FOXJ3: variants seen among roughly 807,000 people sequenced by gnomAD.
The protein encoded by FOXJ3 is forkhead box J3.
In FOXJ3, 22 loss-of-function variants were observed where a neutral mutation model predicts 76.1. The ratio of observed to expected loss-of-function variants is 0.29; its 90% CI spans 0.21 to 0.41. The LOEUF (loss-of-function observed/expected upper bound fraction) is 0.41, where lower values mean the gene tolerates loss of function less well. Ranked by LOEUF, FOXJ3 falls within the 10% of genes least tolerant of loss-of-function variation. The pLI, the probability that FOXJ3 is intolerant of heterozygous loss-of-function variation, is 1.00. For missense variants in FOXJ3, 613 were observed against 762.1 expected (o/e 0.80, Z 2.30); for synonymous variants, 269 against 261.2 (o/e 1.03, Z -0.29).
intron 4 of FOXJ3, among the ~76,000 whole-genome samples, chr1:42,236,738 G>A (rs1172523979): frequency 1.3e-5 from 2 of 152,246 alleles, no homozygotes; most frequent in Middle Eastern, 3.4e-3. Context: ...TTTCATACAA[G>A]TGAACTCAAA....
rs190316207 is a variant in FOXJ3, at chr1:42,279,549, C to T, written c.45-877G>A. On this transcript the variant is annotated intron_variant, in intron 2 of 12. Coordinates refer to ENST00000361346, the MANE Select transcript of FOXJ3 (RefSeq NM_014947.5). ...CTCTCCAAAGCTGAAAAATTCAGAC[C>T]ATTACCACACAAAGAAAGAAAACTA... 2.6e-5 allele frequency among the ~76,000 whole-genome samples: 4 copies of T among 152,198 alleles called. No individual in the cohort carries two copies. In the East Asian group the frequency reaches 5.8e-4, roughly 22 times the overall value.
Position 42,179,814 on chromosome 1 carries a change from C to G in FOXJ3, c.1765G>C (p.Ala589Pro). The G allele has an allele frequency of 2.5e-6, 4 of 1,612,812 alleles. No individual in the cohort carries two copies. The highest frequency in any genetic ancestry group is 3.4e-6 in the Non-Finnish European group (4 of 1,178,866). The change falls in exon 13 of 13, where the codon GCC becomes CCC. Residue 589 changes from alanine to proline, a missense_variant. Physicochemically the swap from Ala to Pro is conservative, Grantham distance 27. This residue lies in a region of FOXJ3 where 526 missense variants were observed against 601.4 expected (regional missense o/e 0.87). Coordinates refer to ENST00000361346, the MANE Select transcript of FOXJ3 (RefSeq NM_014947.5). The part of the protein sequence containing the change: ...PGTTMAGHHR[A>P]MNQQHMMPSQ... ...GGCATCATGTGCTGCTGGTTCATGG[C>G]TCTGTGATGGCCTGGAAGGAAAGAG...
At chr1:42,324,069 GTGTATATATAGTATATATAC>G (rs1655598600) in intron 1 of FOXJ3, among the ~76,000 whole-genome samples, 1 of 138,092 alleles carries the variant, frequency 7.2e-6, no homozygotes, top group South Asian at 2.3e-4. Context: ...TATATACACA[GTGTATATATAGTATATATAC>G]TGTATATATA....
At chr1:42,264,819 T>C (rs1651344329) in intron 4 of FOXJ3, 1 of 321,326 alleles carries the variant, frequency 3.1e-6, no homozygotes. Flanking sequence ...CCCTTATATG[T>C]AATAATGAAT....
At chr1:42,188,321 A>G (rs897364207) in intron 11 of FOXJ3, among the ~76,000 whole-genome samples, 2 of 152,198 alleles carry the variant, frequency 1.3e-5, no homozygotes, top group African/African-American at 4.8e-5. Context: ...TCTACTCTTC[A>G]AACACTTCGA....
chr1:42,251,624 C>T (rs1043971591), intron 4 of FOXJ3, among the ~76,000 whole-genome samples: 6 of 151,472 alleles, frequency 4.0e-5, no homozygotes, highest in African/African-American at 1.5e-4. Flanking sequence ...ATATATTGAA[C>T]CAGCCTTGCA....
At chr1:42,216,290 G>T (rs1403439620) in intron 5 of FOXJ3, among the ~76,000 whole-genome samples, 1 of 151,794 alleles carries the variant, frequency 6.6e-6, no homozygotes, top group Admixed American at 6.6e-5. Context: ...AGGCCGAGGC[G>T]GGCGGATCAC....
chr1:42,188,614 TA>T (rs1471581622), intron 11 of FOXJ3, 122 bp downstream of exon 11: 1 of 533,150 alleles, frequency 1.9e-6, no homozygotes, highest in Admixed American at 3.4e-5. Context: ...TCATTTCTTA[TA>T]AATAAAAATT....
At chr1:42,273,686 A>AAAG (rs1553165443) in intron 3 of FOXJ3, among the ~76,000 whole-genome samples, 1 of 151,548 alleles carries the variant, frequency 6.6e-6, no homozygotes, top group Admixed American at 6.6e-5. Context: ...AAAAAAAAAA[A>AAAG]AAAAAAAAAT....
chr1:42,191,265 A>C (rs745316317), intron 9 of FOXJ3, 38 bp downstream of exon 9: 1 of 1,512,578 alleles, frequency 6.6e-7, no homozygotes, highest in Non-Finnish European at 8.9e-7. Flanking sequence ...ATCCTAATTC[A>C]CAGTTAGCCA....
intron 3 of FOXJ3, among the ~76,000 whole-genome samples, chr1:42,274,549 A>G (rs770152773): frequency 2.0e-5 from 3 of 152,186 alleles, no homozygotes; most frequent in Non-Finnish European, 4.4e-5. Flanking sequence ...GAAACTCTAC[A>G]AAGTTACTTA....
chr1:42,304,134 T>C (rs761844823), intron 2 of FOXJ3, among the ~76,000 whole-genome samples: 3 of 151,266 alleles, frequency 2.0e-5, no homozygotes, highest in Non-Finnish European at 4.4e-5. Context: ...GAAAAAGAAA[T>C]CAAGAAAGTA....
chr1:42,188,713 T>G, intron 11 of FOXJ3, 24 bp downstream of exon 11: 1 of 1,422,934 alleles, frequency 7.0e-7, no homozygotes, highest in Admixed American at 2.4e-5. Context: ...ATGAGAAAAA[T>G]CAAGAAGATA....
intron 2 of FOXJ3, among the ~76,000 whole-genome samples, chr1:42,287,336 T>C (rs190043851): frequency 1.3e-5 from 2 of 151,940 alleles, no homozygotes; most frequent in Non-Finnish European, 2.9e-5. Flanking sequence ...TGAGACTCCA[T>C]CTTAAAAAAA....
Position 42,325,331 on chromosome 1 carries a change from C to T in FOXJ3, c.-18+9728G>A, listed in dbSNP as rs531384835. Among the ~76,000 whole-genome samples, 8 of 152,294 alleles carry T rather than the reference C, an allele frequency of 5.3e-5. No individual in the cohort carries two copies. In the East Asian group the frequency reaches 1.4e-3, roughly 26 times the overall value. ...CCCTTAAAGCCATCTATTCATATCC[C>T]TAAATCCATTAAGTTCTTTGAACAA... On this transcript the variant is annotated intron_variant, in intron 1 of 12. Transcript: ENST00000361346.
intron 1 of FOXJ3, among the ~76,000 whole-genome samples, chr1:42,321,211 T>A (rs1032742088): frequency 8.5e-5 from 13 of 152,194 alleles, no homozygotes; most frequent in African/African-American, 3.1e-4. Flanking sequence ...TTATCTCAGC[T>A]GATTCTGATG....
At chr1:42,245,427 T>C (rs975684114) in intron 4 of FOXJ3, among the ~76,000 whole-genome samples, 3 of 152,010 alleles carry the variant, frequency 2.0e-5, no homozygotes, top group African/African-American at 7.3e-5. Context: ...CTCAACAAAA[T>C]ATTAGCAAAC....
chr1:42,243,575 G>A (rs547295281), intron 4 of FOXJ3, among the ~76,000 whole-genome samples: 1 of 152,242 alleles, frequency 6.6e-6, no homozygotes, highest in African/African-American at 2.4e-5. Context: ...TAAAGGAATG[G>A]AGAAAGATAT....
At chr1:42,237,413 TATATATATATATATACATACATAC>T (rs1393728634) in intron 4 of FOXJ3, among the ~76,000 whole-genome samples, 3 of 143,920 alleles carry the variant, frequency 2.1e-5, no homozygotes, top group African/African-American at 7.7e-5. Context: ...TACATATATA[TATATATATATATATACATACATAC>T]ATATATATAT....
Sources: allele counts gnomAD v4.1 joint callset (sites outside exome capture counted in the v4.1 genomes callset), GRCh38; gene constraint gnomAD v4.1.1; regional missense constraint gnomAD v4.1.1; transcripts MANE v1.5; gene names NCBI Gene and HGNC (gene_info 2026-07-23, HGNC 2026-07-21).